Variants in TENM3 observed in about 807,000 individuals in gnomAD.
TENM3 encodes the protein teneurin transmembrane protein 3.
Under a neutral mutation model 255.1 loss-of-function variants are expected in TENM3, and 63 were observed. That is an observed-to-expected ratio of 0.25 (90% CI 0.20 to 0.30). The LOEUF (loss-of-function observed/expected upper bound fraction) is 0.30. TENM3 is among the 10% of genes least tolerant of loss of function. The pLI, the probability that TENM3 is intolerant of heterozygous loss-of-function variation, is 1.00. For synonymous variants in TENM3, 1,306 were observed against 1,322.3 expected, an observed-to-expected ratio of 0.99 and a Z score of 0.27; for missense variants, 2,929 against 3,461.1, an observed-to-expected ratio of 0.85 and a Z score of 3.86.
At chr4:182,424,388 C>G (rs114430333) in intron 3 of TENM3, among the ~76,000 whole-genome samples, 5 of 152,100 alleles carry the variant, frequency 3.3e-5, no homozygotes, top group Non-Finnish European at 4.4e-5. Context: ...GTTAAAGTCA[C>G]TCTTTCTAGC....
At chr4:181,854,339 A>T in the TENM3 span, among the ~76,000 whole-genome samples, 1 of 152,178 alleles carries the variant, frequency 6.6e-6, no homozygotes, top group Non-Finnish European at 1.5e-5. Flanking sequence ...CCACTCAATG[A>T]TTCCATGGCC....
chr4:182,019,254 C>A, the TENM3 span, among the ~76,000 whole-genome samples: 1 of 152,146 alleles, frequency 6.6e-6, no homozygotes, highest in Non-Finnish European at 1.5e-5. Flanking sequence ...TCCTGTGAAC[C>A]GAATGTGAAA....
chr4:181,556,136 A>C, the TENM3 span, among the ~76,000 whole-genome samples: 1 of 152,318 alleles, frequency 6.6e-6, no homozygotes, highest in Middle Eastern at 3.4e-3. Context: ...TGGAATTTGC[A>C]TTGCCAACAA....
At chr4:182,232,082 T>A (rs1239817158) in intron 1 of TENM3, among the ~76,000 whole-genome samples, 1 of 152,206 alleles carries the variant, frequency 6.6e-6, no homozygotes, top group Non-Finnish European at 1.5e-5. Context: ...TCTCTAGCTG[T>A]TTTGTTTTAT....
At chr4:182,619,429 C>CA (rs201157442) in intron 4 of TENM3, among the ~76,000 whole-genome samples, 28,981 of 141,252 alleles carry the variant, frequency 0.21, 3,306 homozygotes, top group Non-Finnish European at 0.27. Context: ...GTCTCCATCT[C>CA]AAAAAAAAAA....
the TENM3 span, among the ~76,000 whole-genome samples, chr4:181,864,762 A>C: frequency 6.6e-6 from 1 of 152,146 alleles, no homozygotes; most frequent in Non-Finnish European, 1.5e-5. Flanking sequence ...GGGAATCTCG[A>C]TGCCCAGCAA....
Position 182,473,225 on chromosome 4 carries a change from G to A in TENM3, c.511+126296G>A, listed in dbSNP as rs149284901. On this transcript the variant is annotated intron_variant, in intron 3 of 27. Coordinates refer to ENST00000511685, the MANE Select transcript of TENM3 (RefSeq NM_001080477.4). Reference sequence around the variant, plus strand: ...AACAAATGCAGCCATATATATATTTGGAAAATGTCTATGGCTTCAAGGTCC... The same window carrying A: ...AACAAATGCAGCCATATATATATTTAGAAAATGTCTATGGCTTCAAGGTCC... Among the ~76,000 whole-genome samples, 1,463 of 152,040 alleles carry A rather than the reference G, an allele frequency of 9.6e-3. 23 individuals carry two copies. Among genetic ancestry groups the A allele is most frequent in the Admixed American group, 0.024 (374 of 15,272 alleles).
chr4:181,729,206 C>T, the TENM3 span, among the ~76,000 whole-genome samples: 1 of 152,080 alleles, frequency 6.6e-6, no homozygotes, highest in African/African-American at 2.4e-5. Flanking sequence ...AGTTATTTCT[C>T]GCTGAAAAAG....
the TENM3 span, among the ~76,000 whole-genome samples, chr4:181,749,258 T>C: frequency 6.6e-6 from 1 of 151,974 alleles, no homozygotes; most frequent in Non-Finnish European, 1.5e-5. Flanking sequence ...AACAAATAAC[T>C]CTAACATAAA....
chr4:182,251,924 C>T (rs530211847), intron 1 of TENM3, among the ~76,000 whole-genome samples: 2 of 152,154 alleles, frequency 1.3e-5, no homozygotes, highest in South Asian at 2.1e-4. Context: ...GGCTCATGCC[C>T]GTTACCCCAG....
At chr4:182,284,449 C>T (rs140507253) in intron 1 of TENM3, among the ~76,000 whole-genome samples, 4 of 152,244 alleles carry the variant, frequency 2.6e-5, no homozygotes, top group African/African-American at 4.8e-5. Flanking sequence ...ATCTGCGGAT[C>T]GTACTGGTCA....
At chr4:181,480,738 T>G in the TENM3 span, among the ~76,000 whole-genome samples, 5 of 150,560 alleles carry the variant, frequency 3.3e-5, no homozygotes, top group Non-Finnish European at 5.9e-5. Context: ...GTTTTAAATA[T>G]ATATATCCAG....
the TENM3 span, among the ~76,000 whole-genome samples, chr4:181,737,779 G>A: frequency 2.6e-5 from 4 of 151,394 alleles, no homozygotes; most frequent in Non-Finnish European, 5.9e-5. Context: ...ATGCCCAAGC[G>A]GTCATCTGAC....
chr4:181,585,272 T>G, the TENM3 span, among the ~76,000 whole-genome samples: 2 of 152,184 alleles, frequency 1.3e-5, no homozygotes, highest in Non-Finnish European at 2.9e-5. Flanking sequence ...GAGACCACAT[T>G]AAGTATGCAG....
the TENM3 span, among the ~76,000 whole-genome samples, chr4:181,793,352 C>G: frequency 6.6e-6 from 1 of 152,178 alleles, no homozygotes; most frequent in Non-Finnish European, 1.5e-5. Flanking sequence ...GTGGGTGACA[C>G]CACAAACTCG....
chr4:182,319,585 G>A (rs1041259411), intron 1 of TENM3, among the ~76,000 whole-genome samples: 5 of 152,158 alleles, frequency 3.3e-5, no homozygotes, highest in African/African-American at 1.2e-4. Flanking sequence ...AGAAAACTCA[G>A]ATATTTGATG....
Position 182,793,665 on chromosome 4 carries a change from C to G in TENM3, c.6993C>G (p.Asp2331Glu). The part of the protein sequence containing the change: ...YGEIYFDSNI[D>E]FQLVIGFHGG... ...AAATCTATTTTGACTCTAATATTGA[C>G]TTTCAACTGGTAATTGGATTTCATG... Residue 2331 changes from aspartate to glutamate, a missense_variant, in exon 26 of 28, where the codon GAC becomes GAG. Transcript: ENST00000511685. This position sits in a 1 kb window ranked among gnomAD's most constrained non-coding sequence, Gnocchi z 5.7. 1 of 1,613,936 alleles carries G rather than the reference C, an allele frequency of 6.2e-7. No homozygotes were observed. Among genetic ancestry groups the G allele is most frequent in the Non-Finnish European group, 8.5e-7 (1 of 1,179,818 alleles).
At chr4:182,011,978 G>C in the TENM3 span, among the ~76,000 whole-genome samples, 1 of 152,196 alleles carries the variant, frequency 6.6e-6, no homozygotes, top group African/African-American at 2.4e-5. Flanking sequence ...ACTTCATGGA[G>C]AGACCTAGAT....
the TENM3 span, among the ~76,000 whole-genome samples, chr4:181,951,359 T>C: frequency 6.6e-6 from 1 of 152,196 alleles, no homozygotes; most frequent in East Asian, 1.9e-4. Flanking sequence ...CAATGTCTTC[T>C]AGAGCATATC....
Sources: allele counts gnomAD v4.1 joint callset (sites outside exome capture counted in the v4.1 genomes callset), GRCh38; gene constraint gnomAD v4.1.1; non-coding constraint Gnocchi (gnomAD v3.1); transcripts MANE v1.5; gene names NCBI Gene and HGNC (gene_info 2026-07-23, HGNC 2026-07-21).